RIN2: variants seen among roughly 807,000 people sequenced by gnomAD.
The protein encoded by RIN2 is Ras and Rab interactor 2.
RIN2 carries 36 observed loss-of-function variants against 78.0 expected under a neutral mutation model. The ratio of observed to expected loss-of-function variants is 0.46; its 90% CI spans 0.35 to 0.61. RIN2 has a LOEUF of 0.61. RIN2 is among the 20% of genes least tolerant of loss of function. The pLI is 0.00. For missense variants in RIN2, 1,087 were observed against 1,159.7 expected, an observed-to-expected ratio of 0.94 and a Z score of 0.91; for synonymous variants, 466 against 466.8, an observed-to-expected ratio of 1.00 and a Z score of 0.02.
At chr20:19,820,899 A>G (rs6046345) in intron 2 of RIN2, among the ~76,000 whole-genome samples, 2,901 of 152,280 alleles carry the variant, frequency 0.019, 85 homozygotes, top group African/African-American at 0.067. Flanking sequence ...TCCATGCGGT[A>G]TAAATACTCC....
intron 1 of RIN2, among the ~76,000 whole-genome samples, chr20:19,788,054 C>T (rs574790411): frequency 2.6e-5 from 4 of 152,084 alleles, no homozygotes; most frequent in Admixed American, 6.5e-5. Context: ...ATACTTAGTG[C>T]GATCTCAGCA....
At chr20:19,855,307 A>G (rs1399448271) in intron 2 of RIN2, among the ~76,000 whole-genome samples, 1 of 152,190 alleles carries the variant, frequency 6.6e-6, no homozygotes, top group Non-Finnish European at 1.5e-5. Flanking sequence ...GGACTTTTGC[A>G]TCAATGTTCA....
Position 19,859,651 on chromosome 20 carries a change from C to T in RIN2, c.-36-29915C>T, listed in dbSNP as rs549725026. 6.8e-4 allele frequency among the ~76,000 whole-genome samples: 104 copies of T among 152,328 alleles called. 1 individual carries two copies. In the South Asian group the frequency reaches 0.013, roughly 19 times the overall value. On this transcript the variant is annotated intron_variant, in intron 2 of 12. Coordinates refer to ENST00000255006, the MANE Select transcript of RIN2 (RefSeq NM_018993.4). ...CTACCATGTGCATGCTGACAACTCC[C>T]ACGTGACTATCTCCGCACATAACTC...
chr20:19,800,293 G>A (rs1282040687), intron 2 of RIN2, among the ~76,000 whole-genome samples: 1 of 151,960 alleles, frequency 6.6e-6, no homozygotes, highest in East Asian at 1.9e-4. Context: ...TGCATTGATG[G>A]GATTTCAGTA....
chr20:19,854,030 T>C (rs2123214008), intron 2 of RIN2, among the ~76,000 whole-genome samples: 1 of 152,370 alleles, frequency 6.6e-6, no homozygotes, highest in African/African-American at 2.4e-5. Flanking sequence ...CTTTAAGTCT[T>C]TAATCCATCT....
intron 4 of RIN2, among the ~76,000 whole-genome samples, chr20:19,943,278 C>T (rs1416660547): frequency 2.0e-5 from 3 of 152,202 alleles, no homozygotes; most frequent in Non-Finnish European, 4.4e-5. Context: ...GAGGAAGTTC[C>T]TGGGCAAAAC....
intron 4 of RIN2, among the ~76,000 whole-genome samples, chr20:19,938,016 T>C (rs1428308900): frequency 2.0e-5 from 3 of 152,196 alleles, no homozygotes; most frequent in Non-Finnish European, 4.4e-5. Context: ...GTCAGCGTCG[T>C]CTGCCATGGT....
intron 2 of RIN2, among the ~76,000 whole-genome samples, chr20:19,816,976 A>G (rs529371970): frequency 6.6e-6 from 1 of 152,350 alleles, no homozygotes; most frequent in African/African-American, 2.4e-5. Context: ...GCATGATTGC[A>G]ATATAATCAT....
chr20:19,878,402 G>C (rs1003279191), intron 2 of RIN2, among the ~76,000 whole-genome samples: 3 of 152,164 alleles, frequency 2.0e-5, no homozygotes, highest in African/African-American at 7.2e-5. Context: ...GAAGGATGGG[G>C]TATCCACAGA....
At chr20:19,983,887 TTG>T (rs1491019084) in intron 9 of RIN2, among the ~76,000 whole-genome samples, 7 of 123,668 alleles carry the variant, frequency 5.7e-5, no homozygotes, top group East Asian at 5.5e-4. Flanking sequence ...TGTACATTTT[TTG>T]TTTATTATTA....
intron 1 of RIN2, among the ~76,000 whole-genome samples, chr20:19,799,051 C>T (rs1269878125): frequency 1.3e-5 from 2 of 152,050 alleles, no homozygotes; most frequent in African/African-American, 2.4e-5. Flanking sequence ...AGGCGTGTGT[C>T]GCTATGCCTG....
intron 2 of RIN2, among the ~76,000 whole-genome samples, chr20:19,830,051 T>C (rs1442657711): frequency 6.6e-6 from 1 of 152,204 alleles, no homozygotes; most frequent in Non-Finnish European, 1.5e-5. Flanking sequence ...TGAACGACAC[T>C]ATCAAAATAC....
In RIN2 at chr20:19,854,544, CTT is replaced by C. The variant is rs963992221; in HGVS notation, c.-36-35019_-36-35018del. Among the ~76,000 whole-genome samples, 332 of 152,300 alleles carry C rather than the reference CTT, an allele frequency of 2.2e-3. 6 individuals carry two copies. Among genetic ancestry groups the C allele is most frequent in the Admixed American group, 0.017 (259 of 15,292 alleles). ...ATGTTCTTCCATTTGTTTGTGTCCT[CTT>C]TTGTTTCGTTGAGCAGTGGTTTGTA... On this transcript the variant is annotated intron_variant, in intron 2 of 12. Coordinates refer to ENST00000255006, the MANE Select transcript of RIN2 (RefSeq NM_018993.4).
intron 2 of RIN2, among the ~76,000 whole-genome samples, chr20:19,883,992 G>GGAGA (rs1180823505): frequency 6.6e-6 from 1 of 151,458 alleles, no homozygotes; most frequent in Non-Finnish European, 1.5e-5. Context: ...TGAAAGATAG[G>GGAGA]GTTTCACTAT....
intron 2 of RIN2, among the ~76,000 whole-genome samples, chr20:19,812,712 C>T (rs1260635007): frequency 6.6e-6 from 1 of 152,174 alleles, no homozygotes; most frequent in African/African-American, 2.4e-5. Flanking sequence ...GGAATTGTTT[C>T]ATAGCGTGGG....
chr20:19,966,612 C>T (rs949087225), intron 7 of RIN2, among the ~76,000 whole-genome samples: 1 of 152,136 alleles, frequency 6.6e-6, no homozygotes, highest in Non-Finnish European at 1.5e-5. Context: ...GTGTGAGCAC[C>T]ATGCCCGGCC....
intron 2 of RIN2, among the ~76,000 whole-genome samples, chr20:19,802,333 G>T (rs942374383): frequency 6.6e-6 from 1 of 152,094 alleles, no homozygotes; most frequent in African/African-American, 2.4e-5. Context: ...AGAAAGAGCT[G>T]CCCCTACCAG....
At chr20:19,977,383 A>G (rs2042312390) in intron 9 of RIN2, among the ~76,000 whole-genome samples, 1 of 150,706 alleles carries the variant, frequency 6.6e-6, no homozygotes, top group Non-Finnish European at 1.5e-5. Context: ...TTAGAACTCA[A>G]GGACTCACTC....
intron 1 of RIN2, among the ~76,000 whole-genome samples, chr20:19,764,211 TA>T (rs1437263809): frequency 6.6e-6 from 1 of 152,240 alleles, no homozygotes; most frequent in Non-Finnish European, 1.5e-5. Flanking sequence ...CTTTAGTTAT[TA>T]AAGAAATTGT....
Sources: allele counts gnomAD v4.1 joint callset (sites outside exome capture counted in the v4.1 genomes callset), GRCh38; gene constraint gnomAD v4.1.1; transcripts MANE v1.5; gene names NCBI Gene and HGNC (gene_info 2026-07-23, HGNC 2026-07-21).